CADPS2: variants seen among roughly 807,000 people sequenced by gnomAD.
The protein encoded by CADPS2 is calcium-dependent secretion activator 2.
A neutral mutation model predicts 172.5 loss-of-function variants in CADPS2; 93 were observed. That is an observed-to-expected ratio of 0.54 (90% CI 0.46 to 0.64). The LOEUF (loss-of-function observed/expected upper bound fraction) is 0.64. CADPS2 is among the 30% of genes least tolerant of loss of function. The pLI, the probability that CADPS2 is intolerant of heterozygous loss-of-function variation, is 0.00. For missense variants in CADPS2, 1,420 were observed against 1,565.9 expected, an observed-to-expected ratio of 0.91 and a Z score of 1.57; for synonymous variants, 546 against 555.2, an observed-to-expected ratio of 0.98 and a Z score of 0.23.
intron 1 of CADPS2, among the ~76,000 whole-genome samples, chr7:122,784,333 T>C (rs1793512632): frequency 6.6e-6 from 1 of 152,226 alleles, no homozygotes; most frequent in South Asian, 2.1e-4. Context: ...TATCTTTACT[T>C]TGCATTTAAA....
chr7:122,491,369 GT>G lies in CADPS2; in HGVS notation c.1593del (p.Glu531AspfsTer5). 1.9e-6 allele frequency: 3 copies of G among 1,611,678 alleles called. No individual in the cohort carries two copies. Among genetic ancestry groups the G allele is most frequent in the Non-Finnish European group, 2.5e-6 (3 of 1,178,860 alleles). ...CCTTCAAGCTGCATTAATTCTTGTG[GT>G]TCAGACTTCTTTTCTCTATAACTGC... is the stretch of plus-strand genomic sequence containing the variant. ...AMCSYREKKS[E>X]PQELMQLEGY... is the part of the protein sequence containing the mutation. On this transcript the variant is annotated frameshift_variant, in exon 10 of 30. Transcript: ENST00000449022. LOFTEE classifies it high-confidence loss of function.
At chr7:122,397,729 G>A (rs1476252714) in intron 20 of CADPS2, among the ~76,000 whole-genome samples, 1 of 152,112 alleles carries the variant, frequency 6.6e-6, no homozygotes, top group Non-Finnish European at 1.5e-5. Flanking sequence ...AATAAGGATA[G>A]GTTATGATTT....
Position 122,710,480 on chromosome 7 carries a change from T to G in CADPS2, c.453+26475A>C, listed in dbSNP as rs376501615. Among the ~76,000 whole-genome samples, 4 of 152,178 alleles carry G rather than the reference T, an allele frequency of 2.6e-5. No homozygotes were observed. The South Asian group carries it at 8.3e-4, about 32-fold the overall frequency. ...GCTAGCCATTTAAGCTGAGCCACAT[T>G]GAGCCTCAGCTTTCTCATCTGTAGT... On this transcript the variant is annotated intron_variant, in intron 2 of 29. Transcript: ENST00000449022.
rs17144768 is a variant in CADPS2, at chr7:122,738,350, G to T, written c.340-1282C>A. On this transcript the variant is annotated intron_variant, in intron 1 of 29. Coordinates refer to ENST00000449022, the MANE Select transcript of CADPS2 (RefSeq NM_017954.11). ...AGCCCTGCACAACTGTACACACAGG[G>T]GCATGTACTTCACTAGAAATAAGGC... 2.6e-5 allele frequency among the ~76,000 whole-genome samples: 4 copies of T among 151,936 alleles called. No homozygotes were observed. The South Asian group carries it at 6.2e-4, about 24-fold the overall frequency.
chr7:122,689,503 C>A (rs73220282), intron 2 of CADPS2, among the ~76,000 whole-genome samples: 8 of 152,316 alleles, frequency 5.3e-5, no homozygotes, highest in Admixed American at 3.9e-4. Context: ...ACAGTTATTG[C>A]TAAGGGATAG....
intron 9 of CADPS2, among the ~76,000 whole-genome samples, chr7:122,504,753 T>C (rs887428578): frequency 6.6e-6 from 1 of 151,958 alleles, no homozygotes; most frequent in African/African-American, 2.4e-5. Flanking sequence ...AATACAGACA[T>C]GGGGTCTCAC....
At chr7:122,801,640 C>A (rs956948007) in intron 1 of CADPS2, among the ~76,000 whole-genome samples, 2 of 150,818 alleles carry the variant, frequency 1.3e-5, no homozygotes, top group Non-Finnish European at 3.0e-5. Flanking sequence ...TCAGTAAATG[C>A]AATGAGAAAA....
intron 28 of CADPS2, among the ~76,000 whole-genome samples, chr7:122,334,140 GAAATA>G (rs1185794992): frequency 1.3e-5 from 2 of 152,080 alleles, no homozygotes; most frequent in African/African-American, 4.8e-5. Flanking sequence ...GGTGATGAAT[GAAATA>G]AAAGAGAAAG....
chr7:122,842,307 T>C (rs1332916334), intron 1 of CADPS2, among the ~76,000 whole-genome samples: 4 of 152,068 alleles, frequency 2.6e-5, no homozygotes, highest in Non-Finnish European at 4.4e-5. Flanking sequence ...GGGTGGAAAA[T>C]GGGTCTAGAA....
intron 1 of CADPS2, among the ~76,000 whole-genome samples, chr7:122,806,408 G>T (rs2140073564): frequency 6.6e-6 from 1 of 152,190 alleles, no homozygotes; most frequent in South Asian, 2.1e-4. Flanking sequence ...GGAAATAAGG[G>T]CCAGAATCTA....
chr7:122,684,175 C>G (rs895148118), intron 2 of CADPS2, among the ~76,000 whole-genome samples: 2 of 152,052 alleles, frequency 1.3e-5, no homozygotes, highest in African/African-American at 4.8e-5. Context: ...GCTGTAGGAA[C>G]TTGACTCTTA....
Position 122,661,644 on chromosome 7 carries a change from G to T in CADPS2, c.786+1593C>A, listed in dbSNP as rs1020519526. Among the ~76,000 whole-genome samples the T allele has an allele frequency of 4.6e-5, 7 of 152,224 alleles. No individual in the cohort carries two copies. The East Asian group carries it at 1.3e-3, about 29-fold the overall frequency. ...ATCACTCCCATCCTCAGAATAAAAA[G>T]CTGGGCAAGCTGCAAATAAATGACT... On this transcript the variant is annotated intron_variant, in intron 3 of 29. Transcript: ENST00000449022.
chr7:122,673,123 C>T (rs182847436), intron 2 of CADPS2, among the ~76,000 whole-genome samples: 151 of 152,298 alleles, frequency 9.9e-4, no homozygotes, highest in African/African-American at 3.5e-3. Flanking sequence ...AGTGAAGTTG[C>T]AGACCTTCGC....
At chr7:122,322,739 ATTTG>A in intron 29 of CADPS2, among the ~76,000 whole-genome samples, 1 of 152,078 alleles carries the variant, frequency 6.6e-6, no homozygotes, top group Non-Finnish European at 1.5e-5. Flanking sequence ...CCTTTCTGGG[ATTTG>A]TTTTTTTCTT....
intron 6 of CADPS2, among the ~76,000 whole-genome samples, chr7:122,605,339 G>A (rs1223335000): frequency 2.6e-5 from 4 of 152,116 alleles, no homozygotes; most frequent in Admixed American, 6.6e-5. Context: ...ATGTTACGAC[G>A]GCTATGATGT....
At chr7:122,798,653 C>T (rs1348030581) in intron 1 of CADPS2, among the ~76,000 whole-genome samples, 1 of 152,082 alleles carries the variant, frequency 6.6e-6, no homozygotes, top group African/African-American at 2.4e-5. Context: ...TCTACCATTG[C>T]CTCCATCACA....
At chr7:122,521,325 T>C (rs1043365892) in intron 8 of CADPS2, among the ~76,000 whole-genome samples, 5 of 152,098 alleles carry the variant, frequency 3.3e-5, no homozygotes, top group African/African-American at 7.2e-5. Flanking sequence ...GTGGGCACCA[T>C]TGCATTTGAA....
At chr7:122,675,478 G>A (rs539555636) in intron 2 of CADPS2, among the ~76,000 whole-genome samples, 2 of 152,292 alleles carry the variant, frequency 1.3e-5, no homozygotes, top group South Asian at 2.1e-4. Context: ...AAATGATAAC[G>A]TGTACTAAAT....
chr7:122,393,643 A>G (rs563817431), intron 20 of CADPS2, 61 bp from the exon 21 acceptor site: 1 of 1,590,400 alleles, frequency 6.3e-7, no homozygotes, highest in Non-Finnish European at 8.6e-7. Context: ...TTTGGAAAAT[A>G]TGGGCCAAAA....
Sources: gnomAD v4.1 joint callset for allele counts (sites outside exome capture counted in the v4.1 genomes callset) on GRCh38, gnomAD v4.1.1 for gene constraint, MANE v1.5 for transcripts, NCBI Gene and HGNC (gene_info 2026-07-23, HGNC 2026-07-21) for gene names.